NEMF: variants seen among roughly 807,000 people sequenced by gnomAD.
The protein encoded by NEMF is ribosome quality control complex subunit NEMF.
In NEMF, 89 loss-of-function variants were observed where a neutral mutation model predicts 162.2. The observed-to-expected ratio is 0.55, with a 90% confidence interval of 0.46 to 0.65. The LOEUF is 0.65. NEMF is among the 30% of genes least tolerant of loss of function. The pLI, the probability that NEMF is intolerant of heterozygous loss-of-function variation, is 0.00. For missense variants in NEMF, 1,133 were observed against 1,261.9 expected (o/e 0.90, Z 1.55); for synonymous variants, 421 against 404.5 (o/e 1.04, Z -0.49).
chr14:49,815,808 T>C (rs957014059), intron 16 of NEMF, among the ~76,000 whole-genome samples: 1 of 151,802 alleles, frequency 6.6e-6, no homozygotes, highest in Non-Finnish European at 1.5e-5. Flanking sequence ...ACTGAAAATA[T>C]GAAAAATTAG....
intron 28 of NEMF, chr14:49,787,008 G>T: frequency 2.8e-6 from 1 of 361,156 alleles, no homozygotes; most frequent in Non-Finnish European, 5.0e-6. Context: ...AGAGGAGGTG[G>T]GAACTGAAAC....
chr14:49,799,207 CAAA>C (rs780442972), intron 25 of NEMF, among the ~76,000 whole-genome samples: 84 of 59,060 alleles, frequency 1.4e-3, no homozygotes, highest in Non-Finnish European at 1.8e-3. Flanking sequence ...GACCCTGTTT[CAAA>C]AAAAAAAAAA....
At chr14:49,850,929 C>T (rs1271825364) in intron 3 of NEMF, among the ~76,000 whole-genome samples, 1 of 152,122 alleles carries the variant, frequency 6.6e-6, no homozygotes, top group Non-Finnish European at 1.5e-5. Context: ...TTGGGCCAGG[C>T]GCGGTGGCTC....
chr14:49,826,078 AC>A, intron 15 of NEMF, 123 bp from the exon 16 acceptor site: 1 of 589,268 alleles, frequency 1.7e-6, no homozygotes, highest in Non-Finnish European at 3.0e-6. Context: ...ACACACACAC[AC>A]AAACACACAC....
chr14:49,782,472 T>C lies in NEMF; in HGVS notation c.*2164A>G. The C allele has an allele frequency of 1.2e-6, 2 of 1,603,310 alleles. No homozygotes were observed. Among genetic ancestry groups the C allele is most frequent in the Non-Finnish European group, 1.7e-6 (2 of 1,172,300 alleles). ...ATCACAGAGCTGTAAGTATACTACC[T>C]TCACATTATTACTGAAACTTACTTG... On this transcript the variant is annotated 3_prime_UTR_variant, in exon 33 of 33. Coordinates refer to ENST00000298310, the MANE Select transcript of NEMF (RefSeq NM_004713.6).
rs1383288289 is a variant in NEMF, at chr14:49,828,482, T to C, written c.1425-128A>G. The C allele has an allele frequency of 1.3e-5, 13 of 1,001,786 alleles. No individual in the cohort carries two copies. The Admixed American group carries it at 2.4e-4, about 19-fold the overall frequency. The allele number at this position is 1,001,786 out of a possible 1,614,324, so 62.1% of individuals were successfully genotyped here. The stretch of plus-strand genomic sequence containing the variant: ...GAACAAACTGTATAATTAACAAAAC[T>C]AAATTTAAAAAAGTATTTTCACCCA... On this transcript the variant is annotated intron_variant, in intron 14 of 32. Coordinates refer to ENST00000298310, the MANE Select transcript of NEMF (RefSeq NM_004713.6).
intron 18 of NEMF, among the ~76,000 whole-genome samples, chr14:49,807,592 A>ATTTT (rs371689750): frequency 2.4e-5 from 3 of 125,356 alleles, no homozygotes; most frequent in Non-Finnish European, 3.4e-5. Flanking sequence ...GTATCTTGTG[A>ATTTT]TTTTTTTTTT....
chr14:49,828,839 C>A, intron 13 of NEMF, 32 bp from the exon 14 acceptor site: 1 of 1,472,602 alleles, frequency 6.8e-7, no homozygotes, highest in Non-Finnish European at 9.1e-7. Flanking sequence ...ATTTCACTAA[C>A]GTCAATGACA....
rs1238988298 is a variant in NEMF, at chr14:49,832,054, G to C, written c.879C>G (p.Asp293Glu). 1 of 1,596,760 alleles carries C rather than the reference G, an allele frequency of 6.3e-7. No homozygotes were observed. Among genetic ancestry groups the C allele is most frequent in the Admixed American group, 1.8e-5 (1 of 55,834 alleles). Residue 293 changes from aspartate to glutamate, a missense_variant, in exon 10 of 33, where the codon GAC becomes GAG. Physicochemically the swap from Asp to Glu is conservative, Grantham distance 45. This residue lies in a region of NEMF where 582 missense variants were observed against 631.5 expected (regional missense o/e 0.92). Transcript: ENST00000298310. Reference sequence around the variant, plus strand: ...AGGAACAGAACGGAAAACCCACCTTGTCAAATGATTCAAATTCTATATATG... The same window carrying C: ...AGGAACAGAACGGAAAACCCACCTTCTCAAATGATTCAAATTCTATATATG... ...QCPYIEFESF[D>E]KAVDEFYSKI...
chr14:49,811,321 CTTGT>C (rs1891468584), intron 18 of NEMF, among the ~76,000 whole-genome samples: 1 of 152,096 alleles, frequency 6.6e-6, no homozygotes, highest in Non-Finnish European at 1.5e-5. Flanking sequence ...CATTGCTGAA[CTTGT>C]TTATTAGCTC....
In NEMF at chr14:49,783,116, T is replaced by C. The variant is rs1889989842; in HGVS notation, c.*1520A>G. 3.5e-6 allele frequency: 2 copies of C among 563,802 alleles called. No individual in the cohort carries two copies. Among genetic ancestry groups the C allele is most frequent in the Non-Finnish European group, 5.8e-6 (2 of 342,818 alleles). 34.9% of individuals were successfully genotyped at this position (563,802 alleles called of 1,614,324 possible). Reference sequence around the variant, plus strand: ...AGAACCTATTTTTGTGTCTAAAGTTTACAATAAATGTATTTAACACCAGTA... The same window carrying C: ...AGAACCTATTTTTGTGTCTAAAGTTCACAATAAATGTATTTAACACCAGTA... On this transcript the variant is annotated 3_prime_UTR_variant, in exon 33 of 33. Transcript: ENST00000298310.
intron 4 of NEMF, 62 bp from the exon 5 acceptor site, chr14:49,840,928 G>T: frequency 6.8e-7 from 1 of 1,461,512 alleles, no homozygotes; most frequent in Non-Finnish European, 9.4e-7. Context: ...CAGGCACAGT[G>T]GCTCACACCT....
intron 4 of NEMF, among the ~76,000 whole-genome samples, chr14:49,844,441 G>C (rs1165434741): frequency 6.6e-6 from 1 of 152,112 alleles, no homozygotes; most frequent in Non-Finnish European, 1.5e-5. Flanking sequence ...CCAGTCTGCG[G>C]CACAGGGGTT....
intron 4 of NEMF, among the ~76,000 whole-genome samples, chr14:49,844,164 A>G (rs1893353441): frequency 6.6e-6 from 1 of 151,780 alleles, no homozygotes; most frequent in African/African-American, 2.4e-5. Flanking sequence ...ACCAGGGACC[A>G]GTTTCATGGA....
chr14:49,803,151 G>A (rs1051902184), intron 20 of NEMF, 86 bp downstream of exon 20: 135 of 1,003,074 alleles, frequency 1.3e-4, no homozygotes, highest in Admixed American at 2.4e-4. Context: ...ATTTGTTTTT[G>A]TTCTAAGAGT....
rs1891470506 is a variant in NEMF, at chr14:49,811,370, A to G, written c.1744+2618T>C. 1.3e-5 allele frequency among the ~76,000 whole-genome samples: 2 copies of G among 152,134 alleles called. 1 individual carries two copies. The highest frequency in any genetic ancestry group is 4.1e-4 in the South Asian group (2 of 4,824). ...CTGGTAGATTCTTTAGGTTTTTTAAATGTGTGTGACCATATCAACTGTAAA... is the reference window on the plus strand; with the variant it reads ...CTGGTAGATTCTTTAGGTTTTTTAAGTGTGTGTGACCATATCAACTGTAAA... On this transcript the variant is annotated intron_variant, in intron 18 of 32. Transcript: ENST00000298310.
In NEMF at chr14:49,814,057, TACAG is replaced by T. The variant is rs780640166; in HGVS notation, c.1682-11_1682-8del. ...GCATGTACATAAATGTCTCCTTAAATACAGACAAATAAAAAATGACACTTTAAGT... is the reference window on the plus strand; with the variant it reads ...GCATGTACATAAATGTCTCCTTAAATACAAATAAAAAATGACACTTTAAGT... On this transcript the variant is annotated splice_region_variant and splice_polypyrimidine_tract_variant and intron_variant, in intron 17 of 32. Coordinates refer to ENST00000298310, the MANE Select transcript of NEMF (RefSeq NM_004713.6). 2.0e-6 allele frequency: 3 copies of T among 1,486,782 alleles called. No homozygotes were observed. Among genetic ancestry groups the T allele is most frequent in the South Asian group, 2.3e-5 (2 of 87,686 alleles). The allele number at this position is 1,486,782 out of a possible 1,614,324, so 92.1% of individuals were successfully genotyped here.
At chr14:49,795,161 C>T (rs1300177612) in intron 26 of NEMF, among the ~76,000 whole-genome samples, 2 of 151,800 alleles carry the variant, frequency 1.3e-5, no homozygotes, top group Non-Finnish European at 1.5e-5. Flanking sequence ...ATAGTTAGAC[C>T]CCATCGTTAC....
intron 16 of NEMF, among the ~76,000 whole-genome samples, chr14:49,822,202 T>C (rs1044256879): frequency 2.6e-5 from 4 of 152,024 alleles, no homozygotes; most frequent in Non-Finnish European, 4.4e-5. Context: ...CTTTGTTCAC[T>C]TGTTTGCCTG....
Sources: gnomAD v4.1 joint callset for allele counts (sites outside exome capture counted in the v4.1 genomes callset) on GRCh38, gnomAD v4.1.1 for gene constraint, gnomAD v4.1.1 regional missense constraint, MANE v1.5 for transcripts, NCBI Gene and HGNC (gene_info 2026-07-23, HGNC 2026-07-21) for gene names.